DPP10: variants seen among roughly 807,000 people sequenced by gnomAD.
DPP10 encodes the protein dipeptidyl peptidase like 10, also known as inactive dipeptidyl peptidase 10.
Under a neutral mutation model 120.9 loss-of-function variants are expected in DPP10, and 33 were observed. That is an observed-to-expected ratio of 0.27 (90% confidence interval 0.21 to 0.37). The LOEUF is 0.37. Among genes scored for constraint, DPP10 ranks in the 10% least tolerant of loss-of-function variants. The pLI is 1.00. For missense variants in DPP10, 816 were observed against 942.8 expected (o/e 0.87, Z 1.76); for synonymous variants, 337 against 326.1 (o/e 1.03, Z -0.36).
intron 5 of DPP10, among the ~76,000 whole-genome samples, chr2:115,617,907 T>C (rs1054877877): frequency 1.3e-5 from 2 of 152,150 alleles, no homozygotes; most frequent in Admixed American, 6.5e-5. Flanking sequence ...ATTGTAACAA[T>C]ATACTGTAAT....
intron 1 of DPP10, among the ~76,000 whole-genome samples, chr2:114,452,772 T>C (rs965616021): frequency 6.6e-6 from 1 of 152,146 alleles, no homozygotes; most frequent in Non-Finnish European, 1.5e-5. Flanking sequence ...TCAGTTAAAT[T>C]GATGCCCAAA....
chr2:115,186,573 T>G (rs1226428964), intron 1 of DPP10, among the ~76,000 whole-genome samples: 1 of 152,126 alleles, frequency 6.6e-6, no homozygotes, highest in Non-Finnish European at 1.5e-5. Flanking sequence ...GAACAGCAGA[T>G]AGGACGAAGA....
chr2:115,779,653 G>C (rs1682516714), intron 15 of DPP10, among the ~76,000 whole-genome samples: 1 of 151,950 alleles, frequency 6.6e-6, no homozygotes, highest in South Asian at 2.1e-4. Context: ...ATGCAACTGG[G>C]ATACTTTCTA....
intron 3 of DPP10, among the ~76,000 whole-genome samples, chr2:115,452,769 C>A (rs2073208832): frequency 6.6e-6 from 1 of 151,718 alleles, no homozygotes; most frequent in Admixed American, 6.6e-5. Flanking sequence ...AAATACTGAT[C>A]AAAATAATTC....
At chr2:115,595,406 C>T (rs763006006) in intron 5 of DPP10, among the ~76,000 whole-genome samples, 3 of 152,070 alleles carry the variant, frequency 2.0e-5, no homozygotes, top group Non-Finnish European at 2.9e-5. Context: ...ACAAACTCAT[C>T]CAATCTCAAA....
At chr2:114,536,698 C>A (rs1183854759) in intron 1 of DPP10, among the ~76,000 whole-genome samples, 2 of 152,204 alleles carry the variant, frequency 1.3e-5, no homozygotes, top group Middle Eastern at 3.2e-3. Flanking sequence ...AGCCACCATG[C>A]TTGGCCAACT....
At chr2:115,075,830 C>A (rs188008656) in intron 1 of DPP10, among the ~76,000 whole-genome samples, 2 of 151,942 alleles carry the variant, frequency 1.3e-5, no homozygotes, top group African/African-American at 4.8e-5. Context: ...TATTCAGGGG[C>A]AGTGAGTCCA....
chr2:115,514,649 G>A (rs1020238125), intron 4 of DPP10, among the ~76,000 whole-genome samples: 5 of 151,678 alleles, frequency 3.3e-5, no homozygotes, highest in African/African-American at 9.7e-5. Context: ...TTAAAATCAT[G>A]TAAAATTTAA....
At chr2:114,842,201 G>A (rs138533445) in intron 1 of DPP10, among the ~76,000 whole-genome samples, 104 of 152,208 alleles carry the variant, frequency 6.8e-4, no homozygotes, top group African/African-American at 2.3e-3. Flanking sequence ...AAGTAGGAGA[G>A]ATTGGGTTAG....
chr2:115,130,695 A>C (rs867525046), intron 1 of DPP10, among the ~76,000 whole-genome samples: 5 of 152,104 alleles, frequency 3.3e-5, no homozygotes, highest in African/African-American at 4.8e-5. Flanking sequence ...AATGTGAGAT[A>C]TCTCTCCCTG....
intron 1 of DPP10, among the ~76,000 whole-genome samples, chr2:115,276,498 A>G (rs538509172): frequency 1.3e-5 from 2 of 152,152 alleles, no homozygotes; most frequent in Non-Finnish European, 2.9e-5. Context: ...ACCTAAAACC[A>G]CTCATCCTAG....
intron 1 of DPP10, among the ~76,000 whole-genome samples, chr2:114,698,094 AG>A (rs1374431080): frequency 1.3e-5 from 2 of 152,112 alleles, no homozygotes; most frequent in Non-Finnish European, 2.9e-5. Flanking sequence ...GTGTACAGAT[AG>A]GTACCCTTCT....
chr2:115,766,354 A>ATC (rs1680761259), intron 12 of DPP10, among the ~76,000 whole-genome samples: 9 of 134,676 alleles, frequency 6.7e-5, no homozygotes, highest in Admixed American at 5.4e-4. Context: ...ATATATATAT[A>ATC]TCACTCTATC....
intron 1 of DPP10, among the ~76,000 whole-genome samples, chr2:114,514,177 G>A (rs559769249): frequency 6.6e-6 from 1 of 152,300 alleles, no homozygotes; most frequent in Admixed American, 6.5e-5. Flanking sequence ...TTTGCTCGTG[G>A]CTAGCTGATA....
intron 11 of DPP10, among the ~76,000 whole-genome samples, chr2:115,761,387 G>C (rs9646931): frequency 6.6e-6 from 1 of 151,996 alleles, no homozygotes; most frequent in Admixed American, 6.6e-5. Context: ...ATAGAAAATA[G>C]ATCCAGTAAT....
At chr2:114,807,560 CA>C in intron 1 of DPP10, among the ~76,000 whole-genome samples, 1 of 152,100 alleles carries the variant, frequency 6.6e-6, no homozygotes, top group East Asian at 1.9e-4. Context: ...TATGTACTCA[CA>C]AATAATATAA....
intron 21 of DPP10, among the ~76,000 whole-genome samples, chr2:115,818,615 T>A (rs1397327082): frequency 6.6e-6 from 1 of 152,086 alleles, no homozygotes; most frequent in East Asian, 1.9e-4. Flanking sequence ...GAAGGGAGCA[T>A]GTGTGGAGAA....
chr2:115,180,697 A>G (rs1227063442), intron 1 of DPP10, among the ~76,000 whole-genome samples: 3 of 152,150 alleles, frequency 2.0e-5, no homozygotes, highest in Admixed American at 1.3e-4. Context: ...TAACCATGAC[A>G]TCCTCTCACT....
intron 1 of DPP10, among the ~76,000 whole-genome samples, chr2:115,022,523 C>T (rs1021600111): frequency 2.0e-5 from 3 of 152,100 alleles, no homozygotes; most frequent in African/African-American, 4.8e-5. Context: ...AATTGAAACA[C>T]ATCCCATGCT....
Sources: allele counts gnomAD v4.1 joint callset (sites outside exome capture counted in the v4.1 genomes callset), GRCh38; gene constraint gnomAD v4.1.1; transcripts MANE v1.5; gene names NCBI Gene and HGNC (gene_info 2026-07-23, HGNC 2026-07-21).